Variants in SMAD1 observed in about 807,000 individuals in gnomAD.
The protein encoded by SMAD1 is SMAD family member 1.
In SMAD1, 6 loss-of-function variants were observed where a neutral mutation model predicts 41.6. The observed-to-expected ratio is 0.14, with a 90% CI of 0.08 to 0.28. The LOEUF is 0.28. Ranked by LOEUF, SMAD1 falls within the 10% of genes least tolerant of loss-of-function variation. The pLI is 1.00. For synonymous variants in SMAD1, 206 were observed against 203.2 expected (o/e 1.01, Z -0.12); for missense variants, 379 against 582.6 (o/e 0.65, Z 3.60).
At chr4:145,492,685 T>TG (rs1290662037) in intron 1 of SMAD1, among the ~76,000 whole-genome samples, 2 of 152,138 alleles carry the variant, frequency 1.3e-5, no homozygotes, top group East Asian at 3.8e-4. Context: ...GGTTGGAGGG[T>TG]GGGGCTGAAA....
chr4:145,522,624 A>G (rs1276062585), intron 2 of SMAD1, among the ~76,000 whole-genome samples: 9 of 152,158 alleles, frequency 5.9e-5, no homozygotes, highest in Admixed American at 5.9e-4. Flanking sequence ...GAAATCTTTA[A>G]AAAATGTCTT....
intron 2 of SMAD1, among the ~76,000 whole-genome samples, chr4:145,535,118 A>G (rs1731539672): frequency 6.6e-6 from 1 of 152,218 alleles, no homozygotes; most frequent in Admixed American, 6.5e-5. Context: ...ATCAACTTTC[A>G]CTATAAGAGA....
chr4:145,515,078 C>A, intron 2 of SMAD1, 65 bp downstream of exon 2: 2 of 1,440,904 alleles, frequency 1.4e-6, no homozygotes, highest in Non-Finnish European at 1.9e-6. Context: ...TTGTTTAGAA[C>A]ATGAAAATAA....
chr4:145,537,425 T>C (rs1229334604), intron 2 of SMAD1, among the ~76,000 whole-genome samples: 1 of 152,150 alleles, frequency 6.6e-6, no homozygotes, highest in African/African-American at 2.4e-5. Flanking sequence ...AATTGGTGAA[T>C]CTGGGTAAAG....
At chr4:145,550,538 A>G (rs1035878922) in intron 5 of SMAD1, among the ~76,000 whole-genome samples, 3 of 152,204 alleles carry the variant, frequency 2.0e-5, no homozygotes, top group Admixed American at 1.3e-4. Context: ...ATTAATTAAA[A>G]CAAAAGAGAT....
chr4:145,497,199 G>A (rs932862422), intron 1 of SMAD1: 1 of 152,186 alleles, frequency 6.6e-6, no homozygotes, highest in Non-Finnish European at 1.5e-5. Flanking sequence ...GGCTGCTTTG[G>A]ATTATCTGTC....
rs185688518 is a variant in SMAD1, at chr4:145,505,011, G to T, written c.-176-9427G>T. On this transcript the variant is annotated intron_variant, in intron 1 of 6. Transcript: ENST00000302085. ...CTACGTCTTTAGTGTATAATCTTCTGTGAGTCTGTGGTTTCTATAAGTGTC... is the reference window on the plus strand; with the variant it reads ...CTACGTCTTTAGTGTATAATCTTCTTTGAGTCTGTGGTTTCTATAAGTGTC... Among the ~76,000 whole-genome samples, 606 of 152,250 alleles carry T rather than the reference G, an allele frequency of 4.0e-3. 5 individuals are homozygous for T. Among genetic ancestry groups the T allele is most frequent in the Non-Finnish European group, 7.1e-3 (486 of 68,026 alleles).
chr4:145,486,469 A>G (rs1412298673), intron 1 of SMAD1, among the ~76,000 whole-genome samples: 1 of 152,202 alleles, frequency 6.6e-6, no homozygotes, highest in African/African-American at 2.4e-5. Context: ...GGGATTTTTA[A>G]AAAAACATTC....
At chr4:145,531,141 T>A (rs1321410882) in intron 2 of SMAD1, among the ~76,000 whole-genome samples, 2 of 152,244 alleles carry the variant, frequency 1.3e-5, no homozygotes, top group East Asian at 3.8e-4. Context: ...TAGGCTGTTA[T>A]ATATTTTCAT....
intron 2 of SMAD1, among the ~76,000 whole-genome samples, chr4:145,515,533 T>A (rs535990540): frequency 6.6e-6 from 1 of 152,324 alleles, no homozygotes; most frequent in Admixed American, 6.5e-5. Flanking sequence ...TGGCGGAATT[T>A]TGCTGTGGCA....
intron 1 of SMAD1, among the ~76,000 whole-genome samples, chr4:145,495,327 C>T (rs1277226024): frequency 6.6e-6 from 1 of 152,162 alleles, no homozygotes; most frequent in Non-Finnish European, 1.5e-5. Context: ...TTCCCACTTT[C>T]CTTACCCCTT....
intron 5 of SMAD1, among the ~76,000 whole-genome samples, chr4:145,550,143 T>A (rs942768817): frequency 3.3e-5 from 5 of 152,228 alleles, no homozygotes; most frequent in Middle Eastern, 3.2e-3. Flanking sequence ...GGCAAGATGA[T>A]CATTATGTGT....
chr4:145,542,152 G>T (rs1223447341), intron 3 of SMAD1, among the ~76,000 whole-genome samples: 2 of 152,130 alleles, frequency 1.3e-5, no homozygotes, highest in Non-Finnish European at 2.9e-5. Flanking sequence ...AAAGCCCATA[G>T]ATTTAATGCA....
intron 2 of SMAD1, among the ~76,000 whole-genome samples, chr4:145,532,636 T>G (rs1222252423): frequency 1.3e-5 from 2 of 152,226 alleles, no homozygotes; most frequent in East Asian, 3.9e-4. Flanking sequence ...GGAGCAGCCC[T>G]TAAAGAGGGA....
chr4:145,525,842 T>C (rs1332347932), intron 2 of SMAD1: 1 of 152,244 alleles, frequency 6.6e-6, no homozygotes, highest in Admixed American at 6.5e-5. Flanking sequence ...TGATAAAAGA[T>C]CTAGGGTGTT....
intron 1 of SMAD1, among the ~76,000 whole-genome samples, chr4:145,512,816 A>G (rs1333118490): frequency 6.6e-6 from 1 of 152,168 alleles, no homozygotes; most frequent in Non-Finnish European, 1.5e-5. Context: ...GTAGTGGCTA[A>G]GGTTGATGTT....
In SMAD1 at chr4:145,514,333, G is replaced by A; in HGVS notation, c.-176-105G>A. On this transcript the variant is annotated intron_variant, in intron 1 of 6. Transcript: ENST00000302085. This position sits in a 1 kb window ranked among gnomAD's most constrained non-coding sequence, Gnocchi z 4.7. ...GTCACAATTCAGTCCACAGCATACT[G>A]TATTACATAAAAGCACTTAAAATAG... 1 of 321,644 alleles carries A rather than the reference G, an allele frequency of 3.1e-6. No individual in the cohort carries two copies. Among genetic ancestry groups the A allele is most frequent in the Non-Finnish European group, 5.6e-6 (1 of 177,416 alleles). 19.9% of individuals were successfully genotyped at this position (321,644 alleles called of 1,614,324 possible). A position where few individuals can be genotyped will look rare whatever the true frequency, so the allele number is the denominator to read the frequency against.
At position 145,557,395 on chromosome 4, in the gene SMAD1, G is replaced by C. The variant is rs143127966; in HGVS notation, c.1255-396G>C. ...TAGGGAAGAAATTGAATGTCATTCT[G>C]TCTAGCATAGCTTTTTTGTTTTATT... On this transcript the variant is annotated intron_variant, in intron 6 of 6. Coordinates refer to ENST00000302085, the MANE Select transcript of SMAD1 (RefSeq NM_005900.3). Among the ~76,000 whole-genome samples, 10 of 152,296 alleles carry C rather than the reference G, an allele frequency of 6.6e-5. No individual in the cohort carries two copies. The East Asian group carries it at 1.7e-3, about 26-fold the overall frequency.
intron 6 of SMAD1, among the ~76,000 whole-genome samples, chr4:145,557,228 G>T (rs1208207721): frequency 1.3e-5 from 2 of 152,138 alleles, no homozygotes; most frequent in African/African-American, 4.8e-5. Flanking sequence ...TTGTACAAAT[G>T]AATGATAGAA....
Sources: allele counts gnomAD v4.1 joint callset (sites outside exome capture counted in the v4.1 genomes callset), GRCh38; gene constraint gnomAD v4.1.1; non-coding constraint Gnocchi (gnomAD v3.1); transcripts MANE v1.5; gene names NCBI Gene and HGNC (gene_info 2026-07-23, HGNC 2026-07-21).